The following NAV3 variants were observed in gnomAD, a reference collection of about 807,000 sequenced individuals.
NAV3 encodes pore membrane and/or filament interacting like protein 1.
A neutral mutation model predicts 244.7 loss-of-function variants in NAV3; 87 were observed. That is an observed-to-expected ratio of 0.36 (90% confidence interval 0.30 to 0.42). The LOEUF is 0.42. Among genes scored for constraint, NAV3 ranks in the 20% least tolerant of loss-of-function variants. NAV3 has a pLI of 1.00. For synonymous variants in NAV3, 1,126 were observed against 1,042.2 expected (o/e 1.08, Z -1.55); for missense variants, 2,663 against 2,893.3 (o/e 0.92, Z 1.83).
intron 33 of NAV3, 118 bp downstream of exon 33, chr12:78,188,895 A>G: frequency 1.2e-6 from 1 of 841,134 alleles, no homozygotes; most frequent in South Asian, 2.0e-5. Context: ...ACTCTGTAGT[A>G]TTTTAAAAAT....
At chr12:77,804,644 G>T (rs1174442833) in intron 2 of NAV3, among the ~76,000 whole-genome samples, 2 of 151,716 alleles carry the variant, frequency 1.3e-5, no homozygotes, top group Non-Finnish European at 2.9e-5. Flanking sequence ...GGATTGTCTT[G>T]GATATACGGG....
chr12:77,844,437 C>T (rs1407116343), intron 1 of NAV3, among the ~76,000 whole-genome samples: 1 of 152,188 alleles, frequency 6.6e-6, no homozygotes, highest in Non-Finnish European at 1.5e-5. Context: ...TTGAAGGTCA[C>T]ATTCAGACCA....
At chr12:78,120,026 A>C (rs1253121800) in intron 15 of NAV3, 81 bp downstream of exon 15, 2 of 1,014,760 alleles carry the variant, frequency 2.0e-6, no homozygotes, top group Non-Finnish European at 2.8e-6. Context: ...AAATGTGTGT[A>C]TATATATATT....
intron 9 of NAV3, among the ~76,000 whole-genome samples, chr12:78,023,043 C>T (rs561276215): frequency 2.6e-5 from 4 of 152,198 alleles, no homozygotes; most frequent in South Asian, 4.1e-4. Context: ...GGTAGTACCA[C>T]GGTCAAAATA....
chr12:77,622,118 AG>A lies in NAV3; in HGVS notation c.72+49854del, dbSNP rs1871397224. ...GATGAGAAAATTGAATAGAAAAGGC[AG>A]GAAACTCATAGCCTCTGATACCAAG... On this transcript the variant is annotated intron_variant, in intron 2 of 8. Coordinates refer to the NAV3 transcript ENST00000550042. 2.6e-5 allele frequency among the ~76,000 whole-genome samples: 4 copies of A among 152,252 alleles called. No individual in the cohort carries two copies. The South Asian group carries it at 8.3e-4, about 32-fold the overall frequency.
chr12:78,197,473 A>G, intron 35 of NAV3, 72 bp downstream of exon 35: 1 of 1,107,310 alleles, frequency 9.0e-7, no homozygotes, highest in South Asian at 2.0e-5. Flanking sequence ...TTGTACCTGT[A>G]TGCATTTTTA....
intron 2 of NAV3, among the ~76,000 whole-genome samples, chr12:77,795,374 T>C (rs1871359402): frequency 6.6e-6 from 1 of 151,986 alleles, no homozygotes; most frequent in East Asian, 1.9e-4. Context: ...CAGAGATTGG[T>C]TCATGAGGTA....
At chr12:78,182,055 G>C (rs1391363271) in intron 30 of NAV3, among the ~76,000 whole-genome samples, 1 of 151,980 alleles carries the variant, frequency 6.6e-6, no homozygotes, top group Non-Finnish European at 1.5e-5. Flanking sequence ...ACTTCTGGTG[G>C]GGATTAGAGA....
intron 1 of NAV3, among the ~76,000 whole-genome samples, chr12:77,890,781 T>C (rs905228305): frequency 1.3e-5 from 2 of 152,226 alleles, no homozygotes; most frequent in Non-Finnish European, 1.5e-5. Flanking sequence ...TAAGTATTCA[T>C]TGAATATGTG....
rs1348729551 is a variant in NAV3, at chr12:77,786,290, T to G, written c.73-154029T>G. ...AATAAGAGAACACTGATATTATTTG[T>G]TTTTTTTCCTAAAACTTGATGTTTT... On this transcript the variant is annotated intron_variant, in intron 2 of 8. Coordinates refer to the NAV3 transcript ENST00000550042. 2.6e-5 allele frequency among the ~76,000 whole-genome samples: 4 copies of G among 151,814 alleles called. No homozygotes were observed. The East Asian group carries it at 5.8e-4, about 22-fold the overall frequency.
At chr12:77,968,878 A>G (rs560989355) in intron 5 of NAV3, among the ~76,000 whole-genome samples, 176 bp downstream of exon 5, 50 of 152,300 alleles carry the variant, frequency 3.3e-4, no homozygotes, top group African/African-American at 1.2e-3. Flanking sequence ...TTGGACAAGC[A>G]ACATCTATCA....
chr12:78,000,149 T>C (rs932074721), intron 7 of NAV3, among the ~76,000 whole-genome samples: 10 of 152,320 alleles, frequency 6.6e-5, no homozygotes, highest in African/African-American at 1.2e-4. Flanking sequence ...TATTTTTCCA[T>C]GGCCACTCAA....
At chr12:77,697,414 C>A (rs929958668) in intron 2 of NAV3, among the ~76,000 whole-genome samples, 1 of 152,198 alleles carries the variant, frequency 6.6e-6, no homozygotes, top group Non-Finnish European at 1.5e-5. Flanking sequence ...ATTCCTGATT[C>A]ATTATGAGCT....
At chr12:77,842,739 A>G (rs1875901808) in intron 1 of NAV3, among the ~76,000 whole-genome samples, 1 of 152,054 alleles carries the variant, frequency 6.6e-6, no homozygotes, top group African/African-American at 2.4e-5. Flanking sequence ...AGCTCATATT[A>G]CAATCCTTTC....
In NAV3 at chr12:78,098,000, C is replaced by T. The variant is rs149665381; in HGVS notation, c.2637-18772C>T. 3.2e-3 allele frequency among the ~76,000 whole-genome samples: 486 copies of T among 152,186 alleles called. 3 individuals carry two copies. The highest frequency in any genetic ancestry group is 0.011 in the African/African-American group (459 of 41,556). On this transcript the variant is annotated intron_variant, in intron 12 of 39. Coordinates refer to ENST00000397909, the MANE Select transcript of NAV3 (RefSeq NM_001024383.2). ...TGTGATTGCTATTTATTAAGCAGAACGCCTATAACTAAATTCTCAGATATC... is the reference window on the plus strand; with the variant it reads ...TGTGATTGCTATTTATTAAGCAGAATGCCTATAACTAAATTCTCAGATATC...
At chr12:78,081,840 A>C (rs997980415) in intron 12 of NAV3, among the ~76,000 whole-genome samples, 4 of 152,172 alleles carry the variant, frequency 2.6e-5, no homozygotes, top group Non-Finnish European at 5.9e-5. Context: ...CCCACACCAC[A>C]AAGATAAACT....
chr12:77,605,237 T>G (rs1376524565), intron 2 of NAV3, among the ~76,000 whole-genome samples: 1 of 152,146 alleles, frequency 6.6e-6, no homozygotes, highest in Non-Finnish European at 1.5e-5. Flanking sequence ...ACTCTCAGTT[T>G]ACTCTTCTGT....
At chr12:77,990,678 T>A (rs1871296542) in intron 5 of NAV3, among the ~76,000 whole-genome samples, 3 of 152,224 alleles carry the variant, frequency 2.0e-5, no homozygotes, top group African/African-American at 7.2e-5. Context: ...TCATTTAACA[T>A]CCTTGTGTTA....
chr12:78,074,396 G>C (rs975556680), intron 12 of NAV3, among the ~76,000 whole-genome samples: 1 of 152,142 alleles, frequency 6.6e-6, no homozygotes, highest in Non-Finnish European at 1.5e-5. Flanking sequence ...GTGAGTCTTG[G>C]AGGATAAATA....
Sources: gnomAD v4.1 joint callset for allele counts (sites outside exome capture counted in the v4.1 genomes callset) on GRCh38, gnomAD v4.1.1 for gene constraint, MANE v1.5 for transcripts, NCBI Gene and HGNC (gene_info 2026-07-23, HGNC 2026-07-21) for gene names.